The following DLGAP2 variants were observed in gnomAD, a reference collection of about 807,000 sequenced individuals.
DLGAP2 encodes the protein disks large-associated protein 2.
Under a neutral mutation model 100.3 loss-of-function variants are expected in DLGAP2, and 26 were observed. The observed-to-expected ratio is 0.26, with a 90% confidence interval of 0.19 to 0.36. The LOEUF is 0.36. Ranked by LOEUF, DLGAP2 falls within the 10% of genes least tolerant of loss-of-function variation. The pLI, the probability that DLGAP2 is intolerant of heterozygous loss-of-function variation, is 1.00. For synonymous variants in DLGAP2, 886 were observed against 630.1 expected (o/e 1.41, Z -6.08); for missense variants, 1,858 against 1,453.2 (o/e 1.28, Z -4.53).
intron 6 of DLGAP2, among the ~76,000 whole-genome samples, chr8:1,603,228 G>A (rs1257274894): frequency 1.3e-5 from 2 of 149,508 alleles, no homozygotes; most frequent in East Asian, 4.0e-4. Flanking sequence ...AGTGGAGGCT[G>A]GGTCTCAGTT....
At chr8:1,261,482 T>G (rs891821826) in intron 3 of DLGAP2, among the ~76,000 whole-genome samples, 1 of 143,782 alleles carries the variant, frequency 7.0e-6, no homozygotes, top group Non-Finnish European at 1.5e-5. Context: ...AGACAGACTG[T>G]ACTCCAAATA....
chr8:1,373,359 C>T (rs1399235167), intron 3 of DLGAP2, among the ~76,000 whole-genome samples: 3 of 152,064 alleles, frequency 2.0e-5, no homozygotes, highest in East Asian at 3.9e-4. Flanking sequence ...GGACCGTGGC[C>T]GCAGGTTGGG....
At chr8:1,004,284 G>A (rs540201401) in intron 2 of DLGAP2, among the ~76,000 whole-genome samples, 30 of 152,278 alleles carry the variant, frequency 2.0e-4, no homozygotes, top group South Asian at 4.1e-4. Flanking sequence ...ATTGGCAAGC[G>A]TGACAGAAAC....
At chr8:1,303,522 G>A (rs1229005164) in intron 3 of DLGAP2, among the ~76,000 whole-genome samples, 1 of 152,162 alleles carries the variant, frequency 6.6e-6, no homozygotes, top group African/African-American at 2.4e-5. Context: ...GACCCTGCTG[G>A]GCTGTGCGCT....
intron 6 of DLGAP2, among the ~76,000 whole-genome samples, chr8:1,586,129 C>T (rs910119290): frequency 2.6e-5 from 4 of 152,242 alleles, no homozygotes; most frequent in South Asian, 2.1e-4. Flanking sequence ...TGAGCCAACA[C>T]GGGTTTCTCT....
chr8:1,272,052 G>A (rs1367472364), intron 3 of DLGAP2, among the ~76,000 whole-genome samples: 2 of 152,250 alleles, frequency 1.3e-5, no homozygotes, highest in African/African-American at 4.8e-5. Context: ...CTGACCTCAG[G>A]TGATCCGCCT....
At position 1,305,814 on chromosome 8, in the gene DLGAP2, A is replaced by T. The variant is rs151127372; in HGVS notation, c.106+46931A>T. ...GTAACAACAGCTACCGCCCCACTCA[A>T]CAGCAGATGACTGAAAGTTCTTCCT... On this transcript the variant is annotated intron_variant, in intron 3 of 14. Transcript: ENST00000637795. 5.6e-4 allele frequency among the ~76,000 whole-genome samples: 86 copies of T among 152,316 alleles called. 3 individuals carry two copies. The East Asian group carries it at 0.016, about 28-fold the overall frequency.
chr8:1,357,760 G>A (rs1405267206), intron 3 of DLGAP2, among the ~76,000 whole-genome samples: 1 of 152,228 alleles, frequency 6.6e-6, no homozygotes, highest in Non-Finnish European at 1.5e-5. Context: ...GTGTTCTGCT[G>A]TGGTTCTGAG....
At chr8:1,539,339 A>C (rs1278077784) in intron 4 of DLGAP2, among the ~76,000 whole-genome samples, 2 of 152,200 alleles carry the variant, frequency 1.3e-5, no homozygotes, top group Admixed American at 6.5e-5. Flanking sequence ...ACAAGTTGTC[A>C]AGTCCATCTG....
rs191028689 is a variant in DLGAP2 at position 1,189,164 on chromosome 8, G to A, written c.74-69687G>A. 4.1e-5 allele frequency among the ~76,000 whole-genome samples: 6 copies of A among 145,520 alleles called. 1 individual carries two copies. In the South Asian group the frequency reaches 6.4e-4, roughly 15 times the overall value. On this transcript the variant is annotated intron_variant, in intron 2 of 14. Transcript: ENST00000637795. The stretch of plus-strand genomic sequence containing the variant: ...TTGGGGTTGAGCATACACAGGGTTC[G>A]GGCCCCAGGCCGATTCCGCGGTTGG...
intron 4 of DLGAP2, among the ~76,000 whole-genome samples, chr8:1,527,053 C>A (rs1254514112): frequency 6.6e-6 from 1 of 152,002 alleles, no homozygotes; most frequent in Admixed American, 6.5e-5. Flanking sequence ...CCTATCCAAC[C>A]CTCTCCTGCG....
intron 2 of DLGAP2, among the ~76,000 whole-genome samples, chr8:1,024,039 T>G (rs1440167838): frequency 2.0e-5 from 3 of 151,930 alleles, no homozygotes; most frequent in Non-Finnish European, 4.4e-5. Flanking sequence ...TCTGTCCAGG[T>G]GCCATGTGCG....
At chr8:1,583,029 C>G (rs1251314137) in intron 6 of DLGAP2, among the ~76,000 whole-genome samples, 1 of 152,178 alleles carries the variant, frequency 6.6e-6, no homozygotes, top group African/African-American at 2.4e-5. Context: ...CATTCAGCAT[C>G]TGAACCAGAG....
intron 3 of DLGAP2, among the ~76,000 whole-genome samples, chr8:1,494,396 A>T (rs1160667326): frequency 6.6e-6 from 1 of 152,184 alleles, no homozygotes; most frequent in African/African-American, 2.4e-5. Flanking sequence ...CTTTCTTCCC[A>T]AACCTTGCAG....
chr8:1,464,255 T>A (rs79555624), intron 3 of DLGAP2, among the ~76,000 whole-genome samples: 20,613 of 68,034 alleles, frequency 0.3, 2,151 homozygotes, highest in East Asian at 0.58. Context: ...CCAGGACGGC[T>A]CCCTTCCAGG....
At chr8:1,646,866 A>G (rs546895330) in intron 8 of DLGAP2, among the ~76,000 whole-genome samples, 1 of 152,342 alleles carries the variant, frequency 6.6e-6, no homozygotes, top group South Asian at 2.1e-4. Flanking sequence ...TTGGAAAGCC[A>G]GCGTCGAAAA....
intron 6 of DLGAP2, among the ~76,000 whole-genome samples, chr8:1,577,342 G>A (rs1311994329): frequency 6.6e-6 from 1 of 152,174 alleles, no homozygotes; most frequent in Non-Finnish European, 1.5e-5. Flanking sequence ...GCCAAGGTGG[G>A]CAGATCAACT....
intron 2 of DLGAP2, among the ~76,000 whole-genome samples, chr8:1,006,824 C>T (rs1474772716): frequency 1.9e-5 from 1 of 52,444 alleles, no homozygotes; most frequent in African/African-American, 8.8e-5. Flanking sequence ...GGGCGCCCTG[C>T]GTCTCAAGTC....
intron 2 of DLGAP2, among the ~76,000 whole-genome samples, chr8:1,244,166 G>A (rs1030164603): frequency 4.6e-5 from 7 of 152,322 alleles, no homozygotes; most frequent in Admixed American, 1.3e-4. Context: ...GAGGCTCTTC[G>A]ATGCCTCTGA....
Sources: gnomAD v4.1 joint callset for allele counts (sites outside exome capture counted in the v4.1 genomes callset) on GRCh38, gnomAD v4.1.1 for gene constraint, MANE v1.5 for transcripts, NCBI Gene and HGNC (gene_info 2026-07-23, HGNC 2026-07-21) for gene names.